SNX27: variants seen among roughly 807,000 people sequenced by gnomAD.
The protein encoded by SNX27 is sorting nexin-27.
A neutral mutation model predicts 71.6 loss-of-function variants in SNX27; 22 were observed. The ratio of observed to expected loss-of-function variants is 0.31; its 90% CI spans 0.22 to 0.44. SNX27 has a LOEUF of 0.44. SNX27 is among the 20% of genes least tolerant of loss of function. The pLI, the probability that SNX27 is intolerant of heterozygous loss-of-function variation, is 1.00. For missense variants in SNX27, 531 were observed against 698.6 expected (o/e 0.76, Z 2.70); for synonymous variants, 269 against 277.2 (o/e 0.97, Z 0.29).
At chr1:151,668,970 T>C (rs566081970) in intron 7 of SNX27, among the ~76,000 whole-genome samples, 38 of 152,308 alleles carry the variant, frequency 2.5e-4, no homozygotes, top group Admixed American at 3.9e-4. Flanking sequence ...TTCTACACAG[T>C]TTATTGTGAA....
intron 1 of SNX27, among the ~76,000 whole-genome samples, chr1:151,614,905 A>G (rs372770880): frequency 1.3e-5 from 2 of 152,342 alleles, no homozygotes; most frequent in East Asian, 3.9e-4. Context: ...ACACGCACAC[A>G]TCCCAACATA....
chr1:151,690,950 C>T (rs1277412818), intron 8 of SNX27, among the ~76,000 whole-genome samples: 1 of 152,202 alleles, frequency 6.6e-6, no homozygotes, highest in East Asian at 1.9e-4. Flanking sequence ...CTCTTCCTCA[C>T]TCCTCTGTGT....
chr1:151,681,311 G>A (rs569015614), intron 7 of SNX27, among the ~76,000 whole-genome samples: 5 of 137,312 alleles, frequency 3.6e-5, no homozygotes, highest in African/African-American at 8.4e-5. Flanking sequence ...GTGCTATCTC[G>A]GCTCACTGCA....
chr1:151,679,752 A>G (rs994308207), intron 7 of SNX27: 1 of 152,214 alleles, frequency 6.6e-6, no homozygotes, highest in African/African-American at 2.4e-5. Context: ...CATATTTATA[A>G]TAATGCAGTT....
intron 7 of SNX27, chr1:151,680,119 A>G (rs958401101): frequency 8.1e-5 from 12 of 148,582 alleles, no homozygotes; most frequent in African/African-American, 3.0e-4. Flanking sequence ...GGTGATATTT[A>G]TGTTTTCCAC....
At chr1:151,637,092 T>C (rs1345767697) in intron 1 of SNX27, among the ~76,000 whole-genome samples, 1 of 151,704 alleles carries the variant, frequency 6.6e-6, no homozygotes. Flanking sequence ...CTCCTGTAAG[T>C]AGCTCCAAAG....
At chr1:151,671,538 G>C (rs1670452141) in intron 7 of SNX27, among the ~76,000 whole-genome samples, 1 of 151,742 alleles carries the variant, frequency 6.6e-6, no homozygotes, top group Admixed American at 6.6e-5. Context: ...ACCCCACCCA[G>C]TTTTCTTCTT....
At chr1:151,615,390 C>G (rs934575099) in intron 1 of SNX27, among the ~76,000 whole-genome samples, 1 of 151,660 alleles carries the variant, frequency 6.6e-6, no homozygotes, top group Non-Finnish European at 1.5e-5. Context: ...CGATAGTCTG[C>G]GCCTTCTCTT....
Position 151,658,286 on chromosome 1 carries a change from G to C in SNX27, c.595G>C (p.Glu199Gln), listed in dbSNP as rs1176950317. ...GRQLCSKRYR[E>Q]FAILHQNLKR... ...GCAGCTGTGTTCTAAGCGGTACCGG[G>C]AGTTTGCTATCCTACACCAGAACCT... is the stretch of plus-strand genomic sequence containing the variant. Residue 199 changes from glutamate (E) to glutamine (Q), a missense_variant, in exon 3 of 12, where the codon GAG (glutamate) becomes CAG (glutamine). This residue lies in a region of SNX27 where 184 missense variants were observed against 289.6 expected (regional missense o/e 0.64). Coordinates refer to ENST00000458013, the MANE Select transcript of SNX27 (RefSeq NM_001330723.2). 1 of 1,614,110 alleles carries C rather than the reference G, an allele frequency of 6.2e-7. No homozygotes were observed. The highest frequency in any genetic ancestry group is 8.5e-7 in the Non-Finnish European group (1 of 1,179,990).
chr1:151,652,524 T>C (rs1385781040), intron 2 of SNX27, among the ~76,000 whole-genome samples: 1 of 150,848 alleles, frequency 6.6e-6, no homozygotes, highest in Admixed American at 6.6e-5. Context: ...TTCTCCTGCC[T>C]TAGCCTCCCG....
intron 8 of SNX27, among the ~76,000 whole-genome samples, chr1:151,686,256 A>C (rs927482708): frequency 1.3e-5 from 2 of 152,258 alleles, no homozygotes; most frequent in Admixed American, 6.5e-5. Context: ...TCAACAAAAC[A>C]TATTTGTTGA....
rs1297418191 is a variant in SNX27, at chr1:151,639,024, T to A, written c.448T>A (p.Leu150Met). The A allele has an allele frequency of 1.9e-6, 3 of 1,614,050 alleles. No individual in the cohort carries two copies. The African/African-American group carries it at 4.0e-5, about 22-fold the overall frequency. Residue 150 changes from leucine (L) to methionine (M), a missense_variant, in exon 2 of 12, where the codon TTG becomes ATG. Transcript: ENST00000458013. ...ADNLDPSDDS[L>M]GQSFYDYTEK... ...TAACCTAGATCCCAGTGACGACTCG[T>A]TGGGACAATCATTTTATGATTACAC...
At chr1:151,651,253 A>C (rs1482772231) in intron 2 of SNX27, among the ~76,000 whole-genome samples, 4 of 144,292 alleles carry the variant, frequency 2.8e-5, no homozygotes, top group South Asian at 2.3e-4. Context: ...CCTCCCTCCC[A>C]GACGGGGCGG....
chr1:151,685,088 C>T (rs956354991), intron 8 of SNX27, among the ~76,000 whole-genome samples: 26 of 151,968 alleles, frequency 1.7e-4, no homozygotes, highest in African/African-American at 5.8e-4. Flanking sequence ...GAATTACAGG[C>T]GTAAGCTACC....
intron 8 of SNX27, among the ~76,000 whole-genome samples, chr1:151,691,350 A>T (rs866316083): frequency 6.6e-6 from 1 of 152,096 alleles, no homozygotes; most frequent in African/African-American, 2.4e-5. Context: ...CCATCCCTTG[A>T]TTACAATGAA....
intron 8 of SNX27, among the ~76,000 whole-genome samples, chr1:151,685,028 C>T (rs183065919): frequency 2.0e-4 from 30 of 151,960 alleles, no homozygotes; most frequent in Non-Finnish European, 3.5e-4. Flanking sequence ...AGGCTGGTCT[C>T]GAACTCCAGA....
chr1:151,665,869 G>A lies in SNX27; in HGVS notation c.907-64G>A, dbSNP rs763326824. On this transcript the variant is annotated intron_variant, in intron 5 of 11. Coordinates refer to ENST00000458013, the MANE Select transcript of SNX27 (RefSeq NM_001330723.2). ...TTCCCTCCTCCACAGACATACACCT[G>A]CTTTTTCCTACAGCATTGTCTGACT... The A allele has an allele frequency of 1.7e-5, 24 of 1,389,262 alleles. No individual in the cohort carries two copies. The Admixed American group carries it at 4.4e-4, about 25-fold the overall frequency. 86.1% of individuals were successfully genotyped at this position (1,389,262 alleles called of 1,614,324 possible). A position where few individuals can be genotyped will look rare whatever the true frequency, so the allele number is the denominator to read the frequency against.
At chr1:151,688,137 T>G (rs1017120664) in intron 8 of SNX27, among the ~76,000 whole-genome samples, 2 of 152,070 alleles carry the variant, frequency 1.3e-5, no homozygotes, top group African/African-American at 4.8e-5. Context: ...TACTCAAAAC[T>G]TAAAGTGAAA....
intron 4 of SNX27, 121 bp downstream of exon 4, chr1:151,660,983 A>G: frequency 1.4e-6 from 1 of 739,572 alleles, no homozygotes; most frequent in Non-Finnish European, 2.4e-6. Flanking sequence ...CATTTTTTCT[A>G]CTTCCTTTTT....
Sources: allele counts gnomAD v4.1 joint callset (sites outside exome capture counted in the v4.1 genomes callset), GRCh38; gene constraint gnomAD v4.1.1; regional missense constraint gnomAD v4.1.1; transcripts MANE v1.5; gene names NCBI Gene and HGNC (gene_info 2026-07-23, HGNC 2026-07-21).